The following FHIT variants were observed in gnomAD, a reference collection of about 807,000 sequenced individuals.
FHIT encodes the protein fragile histidine triad diadenosine triphosphatase, also known as bis(5'-adenosyl)-triphosphatase.
A neutral mutation model predicts 17.9 loss-of-function variants in FHIT; 19 were observed. The observed-to-expected ratio is 1.06, with a 90% CI of 0.74 to 1.56. The LOEUF (loss-of-function observed/expected upper bound fraction) is 1.56. FHIT is among the 40% of genes most tolerant of loss of function. The probability of loss-of-function intolerance (pLI) is 0.00; values close to 1 mark genes in which losing one functional copy is unlikely to be tolerated. For synonymous variants in FHIT, 81 were observed against 69.7 expected (o/e 1.16, Z -0.81); for missense variants, 248 against 189.2 (o/e 1.31, Z -1.82).
rs1050196656 is a variant in FHIT at position 60,641,404 on chromosome 3, T to G, written c.-17-104425A>C. Among the ~76,000 whole-genome samples, 3 of 152,192 alleles carry G rather than the reference T, an allele frequency of 2.0e-5. No homozygotes were observed. The East Asian group carries it at 5.8e-4, about 29-fold the overall frequency. On this transcript the variant is annotated intron_variant, in intron 4 of 9. Coordinates refer to ENST00000492590, the MANE Select transcript of FHIT (RefSeq NM_002012.4). ...AGATGTCTATTGTGCCTATGACCTA[T>G]ATTCTATTCTTTGCACTTTGAAGAT...
At chr3:60,609,171 G>A (rs2038702471) in intron 4 of FHIT, among the ~76,000 whole-genome samples, 1 of 152,084 alleles carries the variant, frequency 6.6e-6, no homozygotes, top group Non-Finnish European at 1.5e-5. Flanking sequence ...AAAGAAAATA[G>A]CATTCCACCT....
At chr3:60,984,450 T>A (rs1710632713) in intron 3 of FHIT, among the ~76,000 whole-genome samples, 1 of 152,230 alleles carries the variant, frequency 6.6e-6, no homozygotes, top group Non-Finnish European at 1.5e-5. Context: ...TGTGTCTTAA[T>A]AATCTGTCAT....
At chr3:60,751,626 T>A (rs1553716860) in intron 4 of FHIT, among the ~76,000 whole-genome samples, 1 of 152,206 alleles carries the variant, frequency 6.6e-6, no homozygotes, top group African/African-American at 2.4e-5. Flanking sequence ...TACTACCCAC[T>A]GTTGGTGAGA....
intron 7 of FHIT, among the ~76,000 whole-genome samples, chr3:59,978,158 C>T (rs1254985129): frequency 6.6e-6 from 1 of 152,002 alleles, no homozygotes; most frequent in Non-Finnish European, 1.5e-5. Context: ...GAAACTGAGG[C>T]CTAAAACAGG....
At chr3:61,088,215 T>C (rs952632994) in intron 2 of FHIT, among the ~76,000 whole-genome samples, 4 of 152,140 alleles carry the variant, frequency 2.6e-5, no homozygotes, top group African/African-American at 9.7e-5. Flanking sequence ...GAAAAGAGTT[T>C]TGTTTTAGAA....
rs556035750 is a variant in FHIT at position 60,657,611 on chromosome 3, C to G, written c.-17-120632G>C. ...AAGTACTGCTATTGACCAAGAGTCT[C>G]TCCTTGACCAAACGTTAATCAGGCT... On this transcript the variant is annotated intron_variant, in intron 4 of 9. Transcript: ENST00000492590. Among the ~76,000 whole-genome samples, 22 of 152,286 alleles carry G rather than the reference C, an allele frequency of 1.4e-4. No individual in the cohort carries two copies. The East Asian group carries it at 3.7e-3, about 25-fold the overall frequency.
chr3:60,539,109 ACCCC>A (rs1475273478), intron 4 of FHIT, among the ~76,000 whole-genome samples: 1 of 152,086 alleles, frequency 6.6e-6, no homozygotes, highest in African/African-American at 2.4e-5. Flanking sequence ...AAAACAAACA[ACCCC>A]ATCAACAAGT....
intron 4 of FHIT, among the ~76,000 whole-genome samples, chr3:60,695,121 G>A (rs1326506786): frequency 6.6e-6 from 1 of 152,136 alleles, no homozygotes; most frequent in Non-Finnish European, 1.5e-5. Context: ...TAGGCCGGGT[G>A]CTGTGGCTCA....
intron 2 of FHIT, among the ~76,000 whole-genome samples, chr3:61,095,921 G>A (rs972608023): frequency 6.6e-6 from 1 of 152,112 alleles, no homozygotes; most frequent in Non-Finnish European, 1.5e-5. Context: ...CTGGCTCAAC[G>A]CTCACTTAAC....
intron 5 of FHIT, among the ~76,000 whole-genome samples, chr3:60,252,080 A>C (rs1705740469): frequency 6.6e-6 from 1 of 152,192 alleles, no homozygotes; most frequent in Non-Finnish European, 1.5e-5. Context: ...TAACTTAATC[A>C]TTGGCTGTAT....
At chr3:60,155,543 G>A (rs765036106) in intron 5 of FHIT, among the ~76,000 whole-genome samples, 1 of 152,138 alleles carries the variant, frequency 6.6e-6, no homozygotes, top group African/African-American at 2.4e-5. Flanking sequence ...TCATATCCAT[G>A]TGGGCCTGGT....
chr3:60,537,015 A>G lies in FHIT; in HGVS notation c.-17-36T>C, dbSNP rs2036009248. The G allele has an allele frequency of 9.0e-6, 14 of 1,560,946 alleles. No homozygotes were observed. The Admixed American group carries it at 1.6e-4, about 18-fold the overall frequency. ...AGACAATGGATAGTTATAAAATTCA[A>G]TTAAGAAACTCAGTTCATATACCAC... is the stretch of plus-strand genomic sequence containing the variant. On this transcript the variant is annotated intron_variant, in intron 4 of 9. Coordinates refer to ENST00000492590, the MANE Select transcript of FHIT (RefSeq NM_002012.4).
chr3:60,805,037 G>C (rs555307188), intron 4 of FHIT, among the ~76,000 whole-genome samples: 2 of 152,244 alleles, frequency 1.3e-5, no homozygotes, highest in African/African-American at 4.8e-5. Context: ...TGGTAAAGAA[G>C]TAGATGGTCA....
chr3:60,491,555 A>C (rs903643689), intron 5 of FHIT, among the ~76,000 whole-genome samples: 1 of 152,240 alleles, frequency 6.6e-6, no homozygotes, highest in African/African-American at 2.4e-5. Context: ...CAATCAATTC[A>C]TATAACATGC....
At chr3:59,816,225 G>C (rs1382959384) in intron 8 of FHIT, among the ~76,000 whole-genome samples, 1 of 152,168 alleles carries the variant, frequency 6.6e-6, no homozygotes, top group Non-Finnish European at 1.5e-5. Context: ...AGTGATCCTT[G>C]CTCTTGGGCT....
At chr3:60,200,826 C>T (rs1460668469) in intron 5 of FHIT, among the ~76,000 whole-genome samples, 4 of 152,166 alleles carry the variant, frequency 2.6e-5, no homozygotes, top group African/African-American at 9.7e-5. Flanking sequence ...CACACACTGG[C>T]ATCTACAATG....
intron 2 of FHIT, among the ~76,000 whole-genome samples, chr3:61,186,667 G>T (rs1190881314): frequency 6.6e-6 from 1 of 152,192 alleles, no homozygotes; most frequent in Non-Finnish European, 1.5e-5. Flanking sequence ...CCTGGCCTAA[G>T]GCTTCAGGAA....
intron 5 of FHIT, among the ~76,000 whole-genome samples, chr3:60,365,848 T>A (rs1205382488): frequency 1.3e-5 from 2 of 152,280 alleles, no homozygotes; most frequent in South Asian, 4.1e-4. Flanking sequence ...ACATTTTTCT[T>A]CCTCTCATGA....
intron 4 of FHIT, among the ~76,000 whole-genome samples, chr3:60,681,527 C>T (rs1272773396): frequency 6.6e-6 from 1 of 152,160 alleles, no homozygotes; most frequent in Non-Finnish European, 1.5e-5. Flanking sequence ...GCGAGGAAGG[C>T]ATGTCAAAAG....
Sources: gnomAD v4.1 joint callset for allele counts (sites outside exome capture counted in the v4.1 genomes callset) on GRCh38, gnomAD v4.1.1 for gene constraint, MANE v1.5 for transcripts, NCBI Gene and HGNC (gene_info 2026-07-23, HGNC 2026-07-21) for gene names.